Variants in SORCS1 observed in about 807,000 individuals in gnomAD.
SORCS1 encodes the protein VPS10 domain-containing receptor SorCS1.
In SORCS1, 60 loss-of-function variants were observed where a neutral mutation model predicts 146.1. The observed-to-expected ratio is 0.41, with a 90% CI of 0.33 to 0.51. The LOEUF (loss-of-function observed/expected upper bound fraction) is 0.51, where lower values mean the gene tolerates loss of function less well. Among genes scored for constraint, SORCS1 ranks in the 20% least tolerant of loss-of-function variants. The pLI, the probability that SORCS1 is intolerant of heterozygous loss-of-function variation, is 0.21. For synonymous variants in SORCS1, 637 were observed against 584.0 expected, an observed-to-expected ratio of 1.09 and a Z score of -1.31; for missense variants, 1,352 against 1,487.6, an observed-to-expected ratio of 0.91 and a Z score of 1.50.
chr10:106,760,183 G>A (rs762519697), intron 5 of SORCS1, among the ~76,000 whole-genome samples: 1 of 152,012 alleles, frequency 6.6e-6, no homozygotes, highest in African/African-American at 2.4e-5. Context: ...GATGGCTCAC[G>A]CCTGTAATCC....
chr10:106,986,570 T>G (rs796903340), intron 1 of SORCS1, among the ~76,000 whole-genome samples: 1 of 151,838 alleles, frequency 6.6e-6, no homozygotes, highest in Non-Finnish European at 1.5e-5. Context: ...GTAACTTTTT[T>G]ATACCCCATC....
chr10:107,115,128 C>G (rs1184984122), intron 1 of SORCS1, among the ~76,000 whole-genome samples: 1 of 151,708 alleles, frequency 6.6e-6, no homozygotes, highest in African/African-American at 2.4e-5. Context: ...AAAACATATC[C>G]CGTGTTTATG....
intron 1 of SORCS1, among the ~76,000 whole-genome samples, chr10:107,002,704 C>T (rs557378083): frequency 3.3e-5 from 5 of 152,174 alleles, no homozygotes; most frequent in South Asian, 2.1e-4. Flanking sequence ...CAGAGAATGT[C>T]GTATGTGTCC....
At chr10:106,918,001 T>TATC in intron 2 of SORCS1, among the ~76,000 whole-genome samples, 1 of 152,290 alleles carries the variant, frequency 6.6e-6, no homozygotes, top group Non-Finnish European at 1.5e-5. Flanking sequence ...CATAAATTTT[T>TATC]ATCTTATTTA....
At chr10:106,743,293 G>A (rs985906622) in intron 5 of SORCS1, among the ~76,000 whole-genome samples, 6 of 152,080 alleles carry the variant, frequency 3.9e-5, no homozygotes, top group African/African-American at 1.2e-4. Flanking sequence ...GCCAGAGAGA[G>A]GAGACTTTCT....
chr10:106,662,145 A>T (rs1850777607), intron 17 of SORCS1, among the ~76,000 whole-genome samples: 1 of 152,232 alleles, frequency 6.6e-6, no homozygotes, highest in African/African-American at 2.4e-5. Context: ...CATAGTAAAG[A>T]TGATAAATAT....
chr10:106,784,611 A>G (rs1275594133), intron 3 of SORCS1, among the ~76,000 whole-genome samples: 1 of 152,188 alleles, frequency 6.6e-6, no homozygotes, highest in Non-Finnish European at 1.5e-5. Flanking sequence ...CTTCTCTCTT[A>G]AATCCCCAAA....
At chr10:107,133,764 G>A (rs822322) in intron 1 of SORCS1, among the ~76,000 whole-genome samples, 1 of 152,064 alleles carries the variant, frequency 6.6e-6, no homozygotes, top group East Asian at 1.9e-4. Context: ...CTAACATTCA[G>A]AACTTTAGAA....
chr10:107,036,948 T>G (rs1234695575), intron 1 of SORCS1, among the ~76,000 whole-genome samples: 1 of 152,194 alleles, frequency 6.6e-6, no homozygotes, highest in Non-Finnish European at 1.5e-5. Flanking sequence ...TCATTTATGT[T>G]TTAAATTAGG....
At chr10:106,844,521 T>G (rs1018402092) in intron 2 of SORCS1, among the ~76,000 whole-genome samples, 4 of 152,012 alleles carry the variant, frequency 2.6e-5, no homozygotes, top group Admixed American at 6.5e-5. Context: ...TTCATTCTTT[T>G]GCAGGTGAAT....
chr10:106,617,574 A>G lies in SORCS1; in HGVS notation c.2920+575T>C, dbSNP rs543239786. On this transcript the variant is annotated intron_variant, in intron 21 of 25. Transcript: ENST00000263054. The stretch of plus-strand genomic sequence containing the variant: ...TTTCAGTACACATTCATTCCATCTA[A>G]TCCTGTGACCATATTCAATTTCCCC... Among the ~76,000 whole-genome samples, 4 of 152,210 alleles carry G rather than the reference A, an allele frequency of 2.6e-5. No homozygotes were observed. The South Asian group carries it at 8.3e-4, about 32-fold the overall frequency.
At chr10:106,855,612 C>T (rs7904580) in intron 2 of SORCS1, among the ~76,000 whole-genome samples, 56,215 of 151,828 alleles carry the variant, frequency 0.37, 10,558 homozygotes, top group East Asian at 0.48. Flanking sequence ...TCTGTTGAGG[C>T]ATCATCAATT....
chr10:106,592,163 C>T (rs768395386), intron 24 of SORCS1, among the ~76,000 whole-genome samples: 2 of 152,140 alleles, frequency 1.3e-5, no homozygotes, highest in Admixed American at 6.6e-5. Context: ...CTCTCCTTTC[C>T]GCAAAGAGAA....
At chr10:107,078,394 T>C (rs974433300) in intron 1 of SORCS1, among the ~76,000 whole-genome samples, 3 of 152,220 alleles carry the variant, frequency 2.0e-5, no homozygotes, top group Non-Finnish European at 4.4e-5. Flanking sequence ...AATGAGAAGC[T>C]AATTTATCAC....
intron 3 of SORCS1, among the ~76,000 whole-genome samples, chr10:106,799,248 T>G (rs1461121800): frequency 6.6e-6 from 1 of 152,192 alleles, no homozygotes; most frequent in South Asian, 2.1e-4. Context: ...ATTAGAGACT[T>G]AAATGTCAGA....
At chr10:107,027,064 AATATATATCAGATATACATATATATAC>A (rs980482654) in intron 1 of SORCS1, among the ~76,000 whole-genome samples, 6 of 146,588 alleles carry the variant, frequency 4.1e-5, no homozygotes, top group African/African-American at 1.5e-4. Flanking sequence ...ATAAAATATA[AATATATATCAGATATACATATATATAC>A]ATATATATAT....
chr10:106,830,265 T>TATAGA (rs1207021152), intron 2 of SORCS1, among the ~76,000 whole-genome samples: 2 of 152,228 alleles, frequency 1.3e-5, no homozygotes, highest in Non-Finnish European at 2.9e-5. Flanking sequence ...ACACTGACAC[T>TATAGA]GTTTTTTCCT....
At chr10:106,957,088 C>T (rs906636680) in intron 1 of SORCS1, among the ~76,000 whole-genome samples, 26 of 151,804 alleles carry the variant, frequency 1.7e-4, no homozygotes, top group African/African-American at 6.0e-4. Context: ...AATGCTATCT[C>T]CCAAAAGAAT....
intron 1 of SORCS1, among the ~76,000 whole-genome samples, chr10:107,096,177 T>C (rs932132719): frequency 6.6e-6 from 1 of 152,204 alleles, no homozygotes; most frequent in Non-Finnish European, 1.5e-5. Flanking sequence ...AGATAATATA[T>C]GGCAAGTTAT....
Sources: allele counts gnomAD v4.1 joint callset (sites outside exome capture counted in the v4.1 genomes callset), GRCh38; gene constraint gnomAD v4.1.1; transcripts MANE v1.5; gene names NCBI Gene and HGNC (gene_info 2026-07-23, HGNC 2026-07-21).